Variants in TRPM3 observed in about 807,000 individuals in gnomAD.
TRPM3 encodes transient receptor potential cation channel subfamily M member 3.
In TRPM3, 77 loss-of-function variants were observed where a neutral mutation model predicts 181.2. The observed-to-expected ratio is 0.42, with a 90% CI of 0.35 to 0.51. The LOEUF (loss-of-function observed/expected upper bound fraction) is 0.51. Among genes scored for constraint, TRPM3 ranks in the 20% least tolerant of loss-of-function variants. The probability of loss-of-function intolerance (pLI) is 0.01; values close to 1 mark genes in which losing one functional copy is unlikely to be tolerated. For synonymous variants in TRPM3, 745 were observed against 796.4 expected (o/e 0.94, Z 1.09); for missense variants, 1,759 against 2,196.7 (o/e 0.80, Z 3.98).
chr9:70,783,943 T>C (rs1705228506), intron 7 of TRPM3, 162 bp downstream of exon 7: 2 of 1,400,872 alleles, frequency 1.4e-6, no homozygotes, highest in Admixed American at 3.0e-5. Context: ...TGTTTCTCTG[T>C]TCTTCACCAC....
rs563985948 is a variant in TRPM3, at chr9:70,909,154, A to C, written c.178-44643T>G. The stretch of plus-strand genomic sequence containing the variant: ...TCATCAAAAAACTCCATTGTAAGAA[A>C]TAAAATGCAAGTCACATAGCTGATT... On this transcript the variant is annotated intron_variant, in intron 1 of 25. Coordinates refer to ENST00000677713, the MANE Select transcript of TRPM3 (RefSeq NM_001366145.2). Among the ~76,000 whole-genome samples, 25 of 152,358 alleles carry C rather than the reference A, an allele frequency of 1.6e-4. No individual in the cohort carries two copies. The East Asian group carries it at 4.4e-3, about 27-fold the overall frequency.
At chr9:70,999,085 A>G (rs2097573426) in intron 1 of TRPM3, among the ~76,000 whole-genome samples, 2 of 151,946 alleles carry the variant, frequency 1.3e-5, no homozygotes, top group Non-Finnish European at 2.9e-5. Flanking sequence ...TGAGTTTCTC[A>G]TTTTTCTTCA....
intron 1 of TRPM3, among the ~76,000 whole-genome samples, chr9:71,203,401 C>A (rs773964975): frequency 2.6e-5 from 4 of 152,124 alleles, no homozygotes; most frequent in African/African-American, 9.7e-5. Context: ...GTAAGCAAAT[C>A]CACTGTGCTT....
chr9:70,746,885 C>T (rs1380705424), intron 8 of TRPM3, among the ~76,000 whole-genome samples: 1 of 152,112 alleles, frequency 6.6e-6, no homozygotes, highest in Non-Finnish European at 1.5e-5. Context: ...ACAATTGCCA[C>T]ATTAGATTGC....
At chr9:71,441,606 A>G (rs115699018) in intron 1 of TRPM3, among the ~76,000 whole-genome samples, 7 of 147,908 alleles carry the variant, frequency 4.7e-5, no homozygotes, top group African/African-American at 1.7e-4. Context: ...AGTTTTTCTG[A>G]CTTTAGTTTT....
intron 1 of TRPM3, among the ~76,000 whole-genome samples, chr9:71,385,994 A>G (rs983026213): frequency 2.0e-5 from 3 of 151,610 alleles, no homozygotes; most frequent in African/African-American, 7.3e-5. Context: ...GGCGTGAGCC[A>G]CCACACCTGC....
chr9:71,298,440 G>A (rs1033451913), intron 1 of TRPM3, among the ~76,000 whole-genome samples: 1 of 151,092 alleles, frequency 6.6e-6, no homozygotes, highest in Non-Finnish European at 1.5e-5. Context: ...AATTATCATG[G>A]CACAAGGAAG....
intron 1 of TRPM3, among the ~76,000 whole-genome samples, chr9:71,401,171 C>A (rs1246878593): frequency 1.5e-5 from 2 of 131,716 alleles, no homozygotes; most frequent in Non-Finnish European, 3.1e-5. Context: ...GCACTCCAGC[C>A]TAAGGGTCAA....
chr9:71,076,520 G>A (rs2063483475), intron 1 of TRPM3, among the ~76,000 whole-genome samples: 2 of 152,156 alleles, frequency 1.3e-5, no homozygotes, highest in South Asian at 4.1e-4. Context: ...GAAGATCAGT[G>A]TTCTGCTGCT....
intron 1 of TRPM3, among the ~76,000 whole-genome samples, chr9:71,358,504 T>A (rs778130177): frequency 3.3e-4 from 50 of 152,292 alleles, no homozygotes; most frequent in South Asian, 6.2e-4. Context: ...TCCAAAAATC[T>A]AGGGCTGCAA....
intron 6 of TRPM3, chr9:70,827,325 CT>C (rs2093616093): frequency 6.7e-6 from 1 of 149,250 alleles, no homozygotes; most frequent in Non-Finnish European, 1.5e-5. Context: ...GAAACATTGT[CT>C]CTTAATAAAT....
chr9:71,079,404 G>T (rs1010979838), intron 1 of TRPM3, among the ~76,000 whole-genome samples: 1 of 152,134 alleles, frequency 6.6e-6, no homozygotes, highest in South Asian at 2.1e-4. Flanking sequence ...TTAAAGGAAA[G>T]GTGTGCTGTA....
intron 1 of TRPM3, among the ~76,000 whole-genome samples, chr9:71,207,838 C>A (rs372333872): frequency 6.6e-6 from 1 of 152,090 alleles, no homozygotes; most frequent in African/African-American, 2.4e-5. Context: ...ATATTTCAAT[C>A]TCTTTTACTT....
rs151023151 is a variant in TRPM3 at position 70,696,659 on chromosome 9, G to A, written c.1273-15081C>T. ...GAAGGACACGCAGGGCCAATGCCAG[G>A]ACATTCTGGAGTTTGTGCTTGACCC... On this transcript the variant is annotated intron_variant, in intron 8 of 25. Transcript: ENST00000677713. Among the ~76,000 whole-genome samples, 147 of 152,296 alleles carry A rather than the reference G, an allele frequency of 9.7e-4. 2 individuals are homozygous for A. The highest frequency in any genetic ancestry group is 3.4e-3 in the African/African-American group (143 of 41,554).
chr9:71,049,924 C>G (rs1339541601), intron 1 of TRPM3, among the ~76,000 whole-genome samples: 1 of 152,206 alleles, frequency 6.6e-6, no homozygotes, highest in Non-Finnish European at 1.5e-5. Context: ...CCATACAACA[C>G]TGTTCTGATA....
rs1427589219 is a variant in TRPM3 at position 70,533,377 on chromosome 9, CTAATT to C, written c.*2571_*2575del. On this transcript the variant is annotated 3_prime_UTR_variant, in exon 26 of 26. Transcript: ENST00000677713. ...TGTAAGTGCATTAAATTGGCAACAT[CTAATT>C]TAAAGAACAAAAATAACAAAATCTT... is the stretch of plus-strand genomic sequence containing the variant. 6.6e-6 allele frequency: 1 copy of C among 152,284 alleles called. No individual in the cohort carries two copies. Among genetic ancestry groups the C allele is most frequent in the East Asian group, 1.9e-4 (1 of 5,186 alleles). The allele number at this position is 152,284 out of a possible 1,614,324, so 9.4% of individuals were successfully genotyped here.
chr9:70,900,501 T>A (rs898057143), intron 1 of TRPM3, among the ~76,000 whole-genome samples: 2 of 152,194 alleles, frequency 1.3e-5, no homozygotes, highest in Non-Finnish European at 2.9e-5. Flanking sequence ...TAGATTAAAA[T>A]TTTAAAATAA....
chr9:71,352,190 T>C (rs79407857), intron 1 of TRPM3, among the ~76,000 whole-genome samples: 7,971 of 152,248 alleles, frequency 0.052, 352 homozygotes, highest in African/African-American at 0.12. Context: ...TGAGAAGATC[T>C]TTTAAGTGAA....
chr9:71,169,683 G>A (rs997496052), intron 1 of TRPM3, among the ~76,000 whole-genome samples: 4 of 151,830 alleles, frequency 2.6e-5, no homozygotes, highest in African/African-American at 9.7e-5. Context: ...GTCCAGGCAC[G>A]GTGTCTCACG....
Sources: allele counts gnomAD v4.1 joint callset (sites outside exome capture counted in the v4.1 genomes callset), GRCh38; gene constraint gnomAD v4.1.1; transcripts MANE v1.5; gene names NCBI Gene and HGNC (gene_info 2026-07-23, HGNC 2026-07-21).